The following DNAAF9 variants were observed in gnomAD, a reference collection of about 807,000 sequenced individuals.
DNAAF9 encodes dynein axonemal assembly factor 9.
DNAAF9 carries 90 observed loss-of-function variants against 167.0 expected under a neutral mutation model. The ratio of observed to expected loss-of-function variants is 0.54; its 90% CI spans 0.45 to 0.64. DNAAF9 has a LOEUF of 0.64. Ranked by LOEUF, DNAAF9 falls within the 30% of genes least tolerant of loss-of-function variation. The pLI, the probability that DNAAF9 is intolerant of heterozygous loss-of-function variation, is 0.00. For synonymous variants in DNAAF9, 491 were observed against 508.8 expected (o/e 0.96, Z 0.47); for missense variants, 1,315 against 1,442.2 (o/e 0.91, Z 1.43).
chr20:3,299,245 G>T (rs2069140490), intron 21 of DNAAF9, among the ~76,000 whole-genome samples: 1 of 151,928 alleles, frequency 6.6e-6, no homozygotes, highest in South Asian at 2.1e-4. Flanking sequence ...ATTGTACAGG[G>T]TATAAAGTAA....
rs2070261619 is a variant in DNAAF9, at chr20:3,349,206, A to AAAAAAC, written c.691-584_691-583insGTTTTT. 4.7e-5 allele frequency among the ~76,000 whole-genome samples: 7 copies of AAAAAAC among 147,532 alleles called. 1 individual carries two copies. Among genetic ancestry groups the AAAAAAC allele is most frequent in the Non-Finnish European group, 7.4e-5 (5 of 67,334 alleles). ...CTCGTCTCTACCAAAAAAAAAAACA[A>AAAAAAC]AAAAAAAAAAAACACCATGAAAAAA... is the stretch of plus-strand genomic sequence containing the variant. On this transcript the variant is annotated intron_variant, in intron 7 of 36. Coordinates refer to ENST00000252032, the MANE Select transcript of DNAAF9 (RefSeq NM_001009984.3).
chr20:3,334,574 G>A (rs1002558914), intron 10 of DNAAF9, among the ~76,000 whole-genome samples: 5 of 152,218 alleles, frequency 3.3e-5, no homozygotes, highest in Admixed American at 6.5e-5. Context: ...ACCAAAAAGC[G>A]AAATTGCTGG....
chr20:3,299,200 A>C (rs117905149), intron 21 of DNAAF9, among the ~76,000 whole-genome samples: 3,793 of 151,102 alleles, frequency 0.025, 73 homozygotes, highest in Non-Finnish European at 0.039. Flanking sequence ...TTTAGCTCTT[A>C]ATGTTTATGT....
At chr20:3,281,594 G>A (rs1322347157) in intron 28 of DNAAF9, 47 bp downstream of exon 28, 20 of 1,532,684 alleles carry the variant, frequency 1.3e-5, no homozygotes, top group Non-Finnish European at 1.8e-5. Flanking sequence ...CTGGTGGGTG[G>A]AAACAAATCA....
intron 20 of DNAAF9, among the ~76,000 whole-genome samples, chr20:3,307,775 A>G (rs2069326446): frequency 6.6e-6 from 1 of 152,076 alleles, no homozygotes; most frequent in Admixed American, 6.6e-5. Flanking sequence ...GGTAAACCAA[A>G]ATACCAAGCA....
chr20:3,382,320 A>C, intron 2 of DNAAF9, 107 bp downstream of exon 2: 1 of 827,038 alleles, frequency 1.2e-6, no homozygotes, highest in Non-Finnish European at 2.0e-6. Context: ...CTAGGAGGAC[A>C]CCAACTCACA....
intron 23 of DNAAF9, 54 bp from the exon 24 acceptor site, chr20:3,294,683 CT>C: frequency 8.9e-7 from 1 of 1,127,930 alleles, no homozygotes; most frequent in Non-Finnish European, 1.3e-6. Context: ...AGCATATACA[CT>C]TTACACAACT....
intron 16 of DNAAF9, 103 bp downstream of exon 16, chr20:3,322,114 T>C: frequency 1.3e-6 from 1 of 753,854 alleles, no homozygotes. Context: ...CTTCTTCAGG[T>C]GGGGTGGGCT....
chr20:3,324,329 G>A (rs1250346684), intron 14 of DNAAF9, among the ~76,000 whole-genome samples: 3 of 152,126 alleles, frequency 2.0e-5, no homozygotes, highest in Non-Finnish European at 4.4e-5. Context: ...GTATAAAAGT[G>A]CACATAATGG....
At chr20:3,329,877 G>A (rs1007330319) in intron 12 of DNAAF9, among the ~76,000 whole-genome samples, 2 of 152,176 alleles carry the variant, frequency 1.3e-5, no homozygotes, top group African/African-American at 2.4e-5. Context: ...TGAAAGAAGA[G>A]AAGTCAACAC....
rs8119458 is a variant in DNAAF9 at position 3,357,967 on chromosome 20, C to T, written c.690+1549G>A. On this transcript the variant is annotated intron_variant, in intron 7 of 36. Transcript: ENST00000252032. ...CAAGGCTGTAGTGAGCTATGATCAC[C>T]GCTGCACTCCAGCTTGGGAACAGAG... Among the ~76,000 whole-genome samples the T allele has an allele frequency of 9.0e-3, 1,372 of 151,828 alleles. 20 individuals carry two copies. Among genetic ancestry groups the T allele is most frequent in the African/African-American group, 0.032 (1,318 of 41,402 alleles).
chr20:3,342,093 G>A (rs548653371), intron 9 of DNAAF9, among the ~76,000 whole-genome samples: 1 of 152,226 alleles, frequency 6.6e-6, no homozygotes, highest in South Asian at 2.1e-4. Flanking sequence ...TTCTGGAGAA[G>A]GGCCACAATC....
At chr20:3,320,224 TATG>T (rs1207108429) in intron 16 of DNAAF9, among the ~76,000 whole-genome samples, 14 of 152,178 alleles carry the variant, frequency 9.2e-5, no homozygotes, top group African/African-American at 3.4e-4. Context: ...TATGACACAT[TATG>T]ATATCATATG....
At chr20:3,406,987 G>A (rs995509287) in intron 1 of DNAAF9, among the ~76,000 whole-genome samples, 1 of 151,940 alleles carries the variant, frequency 6.6e-6, no homozygotes, top group East Asian at 1.9e-4. Context: ...GGCTTTCTAG[G>A]TAATCCATTT....
intron 7 of DNAAF9, among the ~76,000 whole-genome samples, chr20:3,356,223 G>A (rs967199382): frequency 6.6e-6 from 1 of 152,066 alleles, no homozygotes; most frequent in Admixed American, 6.5e-5. Context: ...TCACCATGTT[G>A]GCCAGGCTGG....
chr20:3,306,952 G>GT (rs1490664938), intron 20 of DNAAF9: 1 of 985,168 alleles, frequency 1.0e-6, no homozygotes, highest in Admixed American at 6.1e-5. Flanking sequence ...TGAGTGGTTA[G>GT]TACCTGCACC....
intron 1 of DNAAF9, among the ~76,000 whole-genome samples, chr20:3,383,413 T>C (rs1197678283): frequency 6.6e-6 from 1 of 151,508 alleles, no homozygotes; most frequent in Non-Finnish European, 1.5e-5. Context: ...GGATTACAGG[T>C]GTGTGCCACC....
intron 1 of DNAAF9, among the ~76,000 whole-genome samples, chr20:3,406,801 C>T (rs897098511): frequency 2.0e-5 from 3 of 152,160 alleles, no homozygotes; most frequent in Non-Finnish European, 4.4e-5. Context: ...CCTCTACTTC[C>T]TCCCAACCCG....
chr20:3,371,595 G>A lies in DNAAF9; in HGVS notation c.612+2453C>T, dbSNP rs149186344. Among the ~76,000 whole-genome samples the A allele has an allele frequency of 5.9e-3, 897 of 151,904 alleles. 6 individuals are homozygous for A. Among genetic ancestry groups the A allele is most frequent in the African/African-American group, 0.02 (825 of 41,440 alleles). On this transcript the variant is annotated intron_variant, in intron 6 of 36. Transcript: ENST00000252032. ...GCTGACCTCGTGATCCGCCCGCCTC[G>A]GCCTCCCAAAGTGCTGGGATTACAG...
Sources: allele counts gnomAD v4.1 joint callset (sites outside exome capture counted in the v4.1 genomes callset), GRCh38; gene constraint gnomAD v4.1.1; transcripts MANE v1.5; gene names NCBI Gene and HGNC (gene_info 2026-07-23, HGNC 2026-07-21).